The following LIN7A variants were observed in gnomAD, a reference collection of about 807,000 sequenced individuals.
LIN7A encodes protein lin-7 homolog A.
Under a neutral mutation model 29.8 loss-of-function variants are expected in LIN7A, and 25 were observed. That is an observed-to-expected ratio of 0.84 (90% CI 0.61 to 1.17). LIN7A has a LOEUF of 1.17. Among genes scored for constraint, LIN7A ranks in the 50% most tolerant of loss-of-function variants. LIN7A has a pLI of 0.00. For missense variants in LIN7A, 239 were observed against 287.0 expected, an observed-to-expected ratio of 0.83 and a Z score of 1.21; for synonymous variants, 118 against 107.5, an observed-to-expected ratio of 1.10 and a Z score of -0.60.
chr12:80,883,598 A>T (rs1875179351), intron 2 of LIN7A, among the ~76,000 whole-genome samples: 1 of 152,134 alleles, frequency 6.6e-6, no homozygotes, highest in Non-Finnish European at 1.5e-5. Flanking sequence ...ATACTGTGGG[A>T]TCCTACTCTT....
At chr12:80,870,719 G>A (rs994348353) in intron 2 of LIN7A, among the ~76,000 whole-genome samples, 5 of 152,326 alleles carry the variant, frequency 3.3e-5, no homozygotes, top group Non-Finnish European at 7.4e-5. Context: ...GGAGAAAACT[G>A]TTGAGCCAAG....
At chr12:80,829,198 A>G (rs528572558) in intron 4 of LIN7A, among the ~76,000 whole-genome samples, 2 of 152,314 alleles carry the variant, frequency 1.3e-5, no homozygotes, top group South Asian at 2.1e-4. Flanking sequence ...CCCTACAACT[A>G]TAATTCTATA....
At chr12:80,832,626 G>C (rs1244665525) in intron 4 of LIN7A, 1 of 463,442 alleles carries the variant, frequency 2.2e-6, no homozygotes, top group Non-Finnish European at 4.4e-6. Flanking sequence ...GGCTCCTTAT[G>C]ATGGCTTATG....
chr12:80,879,645 CAAAAAAAAAAAAAAAAAAAAAA>C, intron 2 of LIN7A, among the ~76,000 whole-genome samples: 1 of 58,742 alleles, frequency 1.7e-5, no homozygotes, highest in Non-Finnish European at 2.6e-5. Context: ...TGGAGCAGCC[CAAAAAAAAAAAAAAAAAAAAAA>C]AAAAAGGAAG....
chr12:80,903,591 A>G (rs912658072), intron 1 of LIN7A, among the ~76,000 whole-genome samples: 1 of 152,060 alleles, frequency 6.6e-6, no homozygotes. Context: ...TCTTTACCCA[A>G]TTATTCACTG....
At chr12:80,884,857 G>A (rs1203568502) in intron 2 of LIN7A, among the ~76,000 whole-genome samples, 1 of 152,114 alleles carries the variant, frequency 6.6e-6, no homozygotes, top group African/African-American at 2.4e-5. Context: ...CCTGCAAATA[G>A]CAGTTATAAA....
intron 2 of LIN7A, among the ~76,000 whole-genome samples, chr12:80,880,751 GCACACACA>G (rs202207302): frequency 5.9e-5 from 8 of 136,160 alleles, no homozygotes; most frequent in African/African-American, 1.6e-4. Flanking sequence ...AGGAGGCAAC[GCACACACA>G]CACACACACA....
At chr12:80,909,808 T>C (rs1876664006) in intron 1 of LIN7A, among the ~76,000 whole-genome samples, 1 of 152,028 alleles carries the variant, frequency 6.6e-6, no homozygotes, top group South Asian at 2.1e-4. Context: ...AATCTGTTAT[T>C]CTATGTCCTC....
At chr12:80,921,835 A>G (rs1877324797) in intron 1 of LIN7A, among the ~76,000 whole-genome samples, 1 of 152,200 alleles carries the variant, frequency 6.6e-6, no homozygotes, top group South Asian at 2.1e-4. Flanking sequence ...AGAAGAAATT[A>G]ATGTCTGCCT....
intron 4 of LIN7A, among the ~76,000 whole-genome samples, chr12:80,843,288 C>G (rs1187081296): frequency 1.3e-5 from 2 of 152,140 alleles, no homozygotes; most frequent in Non-Finnish European, 2.9e-5. Context: ...GATCACTAAA[C>G]TACCCTATTT....
intron 1 of LIN7A, among the ~76,000 whole-genome samples, chr12:80,891,194 C>G (rs1422338763): frequency 6.6e-6 from 1 of 152,128 alleles, no homozygotes; most frequent in Non-Finnish European, 1.5e-5. Flanking sequence ...TGGAACATCT[C>G]CTAACTGATC....
At chr12:80,920,484 T>G (rs1877246146) in intron 1 of LIN7A, among the ~76,000 whole-genome samples, 1 of 152,118 alleles carries the variant, frequency 6.6e-6, no homozygotes, top group Admixed American at 6.5e-5. Flanking sequence ...TAAGGAAGAC[T>G]GTGTTAAATT....
In LIN7A at chr12:80,795,821, C is replaced by T. The variant is rs1870419212; in HGVS notation, c.*1906G>A. ...TTCAAACTGAATAATACATCGTCTC[C>T]ATTCATTCCCTTTTATCATGCTTGT... On this transcript the variant is annotated 3_prime_UTR_variant, in exon 6 of 6. Coordinates refer to ENST00000552864, the MANE Select transcript of LIN7A (RefSeq NM_004664.4). The T allele has an allele frequency of 1.3e-5, 2 of 152,036 alleles. No homozygotes were observed. Among genetic ancestry groups the T allele is most frequent in the East Asian group, 3.8e-4 (2 of 5,198 alleles). 9.4% of individuals were successfully genotyped at this position (152,036 alleles called of 1,614,324 possible).
At chr12:80,902,355 TG>T (rs1414710394) in intron 1 of LIN7A, among the ~76,000 whole-genome samples, 24 of 152,256 alleles carry the variant, frequency 1.6e-4, no homozygotes, top group Admixed American at 1.4e-3. Flanking sequence ...GGCTCTTTTT[TG>T]GTTCCATTTG....
chr12:80,902,420 G>A (rs1850805189), intron 1 of LIN7A, among the ~76,000 whole-genome samples: 2 of 151,954 alleles, frequency 1.3e-5, no homozygotes, highest in Admixed American at 1.3e-4. Flanking sequence ...AGTAGTTTGA[G>A]ACGAATAGAA....
In LIN7A at chr12:80,926,888, A is replaced by T. The variant is rs371232258; in HGVS notation, c.82+10753T>A. On this transcript the variant is annotated intron_variant, in intron 1 of 5. Coordinates refer to ENST00000552864, the MANE Select transcript of LIN7A (RefSeq NM_004664.4). ...GCTTACAGTAAGCCGAGATCGCACC[A>T]CAGCACTCCAGCCTGGGAGACAGTG... Among the ~76,000 whole-genome samples the T allele has an allele frequency of 7.7e-5, 11 of 143,034 alleles. No homozygotes were observed. In the East Asian group the frequency reaches 2.4e-3, roughly 31 times the overall value. The allele number at this position is 143,034 out of a possible 152,430, so 93.8% of individuals were successfully genotyped here. A position where few individuals can be genotyped will look rare whatever the true frequency, so the allele number is the denominator to read the frequency against.
chr12:80,879,603 A>C (rs1465382010), intron 2 of LIN7A, among the ~76,000 whole-genome samples: 1 of 124,236 alleles, frequency 8.0e-6, no homozygotes, highest in Non-Finnish European at 1.6e-5. Flanking sequence ...ACTCTGGAAC[A>C]CTTTGCCTAT....
chr12:80,867,184 C>T (rs1356588092), intron 2 of LIN7A, among the ~76,000 whole-genome samples: 3 of 152,072 alleles, frequency 2.0e-5, no homozygotes, highest in Non-Finnish European at 2.9e-5. Flanking sequence ...TGGCCTCAAG[C>T]GATCCTGCCA....
intron 1 of LIN7A, among the ~76,000 whole-genome samples, chr12:80,889,931 A>G (rs1463177926): frequency 3.3e-5 from 5 of 152,058 alleles, no homozygotes; most frequent in Non-Finnish European, 7.4e-5. Flanking sequence ...CTGCCATTGC[A>G]TTATTTCAGG....
Sources: gnomAD v4.1 joint callset for allele counts (sites outside exome capture counted in the v4.1 genomes callset) on GRCh38, gnomAD v4.1.1 for gene constraint, MANE v1.5 for transcripts, NCBI Gene and HGNC (gene_info 2026-07-23, HGNC 2026-07-21) for gene names.